DOCK1: variants seen among roughly 807,000 people sequenced by gnomAD.
DOCK1 encodes dedicator of cytokinesis 1.
Under a neutral mutation model 262.7 loss-of-function variants are expected in DOCK1, and 138 were observed. The ratio of observed to expected loss-of-function variants is 0.53; its 90% CI spans 0.46 to 0.61. The LOEUF is 0.61. Ranked by LOEUF, DOCK1 falls within the 20% of genes least tolerant of loss-of-function variation. The pLI is 0.00. For synonymous variants in DOCK1, 866 were observed against 867.4 expected, an observed-to-expected ratio of 1.00 and a Z score of 0.03; for missense variants, 1,908 against 2,370.7, an observed-to-expected ratio of 0.80 and a Z score of 4.05.
chr10:126,910,720 C>T (rs959239780), intron 1 of DOCK1, among the ~76,000 whole-genome samples: 2 of 152,152 alleles, frequency 1.3e-5, no homozygotes, highest in Non-Finnish European at 2.9e-5. Context: ...ACAAGCACCA[C>T]GCCTACCTCC....
rs10829788 is a variant in DOCK1, at chr10:127,346,441, C to T, written c.3224+2695C>T. ...AACACCCCTTTCTCCACAAAAAATACAAAAATTAGCCAGGTGTGGTGGCGC... is the reference window on the plus strand; with the variant it reads ...AACACCCCTTTCTCCACAAAAAATATAAAAATTAGCCAGGTGTGGTGGCGC... On this transcript the variant is annotated intron_variant, in intron 31 of 51. Transcript: ENST00000623213. 2.6e-5 allele frequency among the ~76,000 whole-genome samples: 4 copies of T among 151,878 alleles called. No individual in the cohort carries two copies. The East Asian group carries it at 7.8e-4, about 30-fold the overall frequency.
chr10:127,071,230 C>A (rs2046215383), intron 23 of DOCK1, among the ~76,000 whole-genome samples: 1 of 152,176 alleles, frequency 6.6e-6, no homozygotes, highest in African/African-American at 2.4e-5. Flanking sequence ...GATCTGAACT[C>A]ACCAGGTGCT....
At chr10:127,060,750 A>G (rs1368061551) in intron 22 of DOCK1, among the ~76,000 whole-genome samples, 1 of 152,208 alleles carries the variant, frequency 6.6e-6, no homozygotes, top group South Asian at 2.1e-4. Flanking sequence ...TATTTATTGA[A>G]TATGTCCCAC....
At chr10:127,060,479 A>G (rs943578383) in intron 22 of DOCK1, among the ~76,000 whole-genome samples, 7 of 152,214 alleles carry the variant, frequency 4.6e-5, no homozygotes, top group Non-Finnish European at 8.8e-5. Context: ...AGGGTAATTA[A>G]TTATCACTTA....
chr10:127,361,999 C>T, intron 32 of DOCK1, 65 bp from the exon 33 acceptor site: 2 of 1,469,842 alleles, frequency 1.4e-6, no homozygotes, highest in East Asian at 4.8e-5. Flanking sequence ...TTGTTTTATC[C>T]ATTTAAGCCC....
chr10:127,088,417 G>C (rs1370674591), intron 23 of DOCK1, among the ~76,000 whole-genome samples: 1 of 152,158 alleles, frequency 6.6e-6, no homozygotes, highest in Admixed American at 6.5e-5. Flanking sequence ...CTGTCCAGCT[G>C]CCTAGTGGTT....
At chr10:127,409,477 A>C in intron 42 of DOCK1, 86 bp downstream of exon 42, 2 of 1,441,770 alleles carry the variant, frequency 1.4e-6, no homozygotes, top group Non-Finnish European at 1.9e-6. Context: ...CTTTTAAAGG[A>C]CGGACTTTGG....
intron 6 of DOCK1, 47 bp downstream of exon 6, chr10:126,990,650 A>G (rs779478716): frequency 5.6e-6 from 9 of 1,596,622 alleles, no homozygotes; most frequent in African/African-American, 1.3e-5. Flanking sequence ...ATCCAATGTA[A>G]TAACATCACT....
At chr10:127,190,682 C>G (rs11016703) in intron 27 of DOCK1, among the ~76,000 whole-genome samples, 2,029 of 41,726 alleles carry the variant, frequency 0.049, 153 homozygotes, top group East Asian at 0.37. Context: ...CCCCCCCCCC[C>G]CGTTCCTGCT....
chr10:127,339,433 G>C (rs561941011), intron 30 of DOCK1, among the ~76,000 whole-genome samples: 1 of 152,224 alleles, frequency 6.6e-6, no homozygotes, highest in African/African-American at 2.4e-5. Context: ...ATCAGCAGAG[G>C]AGGAGACCCA....
intron 27 of DOCK1, among the ~76,000 whole-genome samples, chr10:127,166,089 A>G (rs2489387): frequency 0.99 from 150,394 of 152,308 alleles, 74,261 homozygotes; most frequent in East Asian, 1. Flanking sequence ...TTTCTGAGAC[A>G]GAGTCTCGCT....
chr10:127,349,013 T>G (rs1188677417), intron 31 of DOCK1, among the ~76,000 whole-genome samples: 1 of 152,182 alleles, frequency 6.6e-6, no homozygotes, highest in Admixed American at 6.5e-5. Flanking sequence ...AGTGGTGACC[T>G]GTGCCAACTT....
intron 23 of DOCK1, among the ~76,000 whole-genome samples, chr10:127,068,727 A>G (rs925096302): frequency 6.6e-6 from 1 of 152,232 alleles, no homozygotes; most frequent in African/African-American, 2.4e-5. Flanking sequence ...ATACACACAC[A>G]TATGTATACA....
At chr10:127,209,474 G>T (rs1321660197) in intron 27 of DOCK1, among the ~76,000 whole-genome samples, 1 of 152,124 alleles carries the variant, frequency 6.6e-6, no homozygotes, top group Non-Finnish European at 1.5e-5. Context: ...TGGGCACCTG[G>T]TGACTTTCAG....
At chr10:127,407,731 G>A (rs2067599470) in intron 40 of DOCK1, among the ~76,000 whole-genome samples, 1 of 152,162 alleles carries the variant, frequency 6.6e-6, no homozygotes, top group Non-Finnish European at 1.5e-5. Context: ...GGGCAGGGCT[G>A]CAGCTGACTT....
intron 48 of DOCK1, among the ~76,000 whole-genome samples, chr10:127,434,838 G>A (rs1248234470): frequency 6.6e-6 from 1 of 152,046 alleles, no homozygotes; most frequent in Admixed American, 6.6e-5. Context: ...ATATTTAGTA[G>A]AGACGGGGTT....
chr10:127,300,595 T>C (rs1455262929), intron 29 of DOCK1, among the ~76,000 whole-genome samples: 2 of 152,254 alleles, frequency 1.3e-5, no homozygotes, highest in Non-Finnish European at 2.9e-5. Flanking sequence ...GTCATGCTAG[T>C]ATCAAAAATT....
At chr10:127,022,849 C>T (rs2042540355) in intron 13 of DOCK1, among the ~76,000 whole-genome samples, 1 of 152,172 alleles carries the variant, frequency 6.6e-6, no homozygotes. Flanking sequence ...AGCCAGCCGT[C>T]TAACAAGGGA....
At chr10:126,938,360 T>G (rs947576973) in intron 1 of DOCK1, among the ~76,000 whole-genome samples, 1 of 152,208 alleles carries the variant, frequency 6.6e-6, no homozygotes, top group Non-Finnish European at 1.5e-5. Context: ...GCTTCATTTT[T>G]TTGCTTGTGA....
Sources: gnomAD v4.1 joint callset for allele counts (sites outside exome capture counted in the v4.1 genomes callset) on GRCh38, gnomAD v4.1.1 for gene constraint, MANE v1.5 for transcripts, NCBI Gene and HGNC (gene_info 2026-07-23, HGNC 2026-07-21) for gene names.